The following EPB41L4A variants were observed in gnomAD, a reference collection of about 807,000 sequenced individuals.
The protein encoded by EPB41L4A is band 4.1-like protein 4A.
EPB41L4A carries 100 observed loss-of-function variants against 108.6 expected under a neutral mutation model. The ratio of observed to expected loss-of-function variants is 0.92; its 90% CI spans 0.78 to 1.09. The LOEUF (loss-of-function observed/expected upper bound fraction) is 1.09, where lower values mean the gene tolerates loss of function less well. EPB41L4A is among the 50% of genes least tolerant of loss of function. The pLI, the probability that EPB41L4A is intolerant of heterozygous loss-of-function variation, is 0.00. For synonymous variants in EPB41L4A, 319 were observed against 289.0 expected (o/e 1.10, Z -1.05); for missense variants, 1,030 against 842.7 (o/e 1.22, Z -2.75).
At chr5:112,152,324 A>T (rs1759500997) in intron 12 of EPB41L4A, among the ~76,000 whole-genome samples, 2 of 152,220 alleles carry the variant, frequency 1.3e-5, no homozygotes, top group African/African-American at 4.8e-5. Context: ...AGATTATAAA[A>T]CAGAATCTTT....
At chr5:112,235,866 C>T (rs1749294377) in intron 11 of EPB41L4A, among the ~76,000 whole-genome samples, 1 of 152,068 alleles carries the variant, frequency 6.6e-6, no homozygotes, top group Non-Finnish European at 1.5e-5. Flanking sequence ...CATGGAAATT[C>T]GGGAGGGGAG....
chr5:112,178,318 A>C (rs781167497), intron 18 of EPB41L4A, among the ~76,000 whole-genome samples: 1 of 152,142 alleles, frequency 6.6e-6, no homozygotes, highest in Non-Finnish European at 1.5e-5. Flanking sequence ...GTAAAAACTG[A>C]CAGAATTAAA....
At chr5:112,354,014 T>A (rs550442288) in intron 1 of EPB41L4A, among the ~76,000 whole-genome samples, 1 of 152,148 alleles carries the variant, frequency 6.6e-6, no homozygotes, top group African/African-American at 2.4e-5. Context: ...GAAAACCATA[T>A]ATGTAGTAAA....
chr5:112,182,365 C>G (rs554118309), intron 18 of EPB41L4A, among the ~76,000 whole-genome samples: 1 of 152,216 alleles, frequency 6.6e-6, no homozygotes, highest in East Asian at 1.9e-4. Flanking sequence ...CATAATATAA[C>G]TGAATTATAG....
chr5:112,408,483 A>T (rs1561652349), intron 1 of EPB41L4A, among the ~76,000 whole-genome samples: 1 of 152,074 alleles, frequency 6.6e-6, no homozygotes, highest in Non-Finnish European at 1.5e-5. Flanking sequence ...CAGAATTTTT[A>T]AATTCTTATA....
intron 9 of EPB41L4A, among the ~76,000 whole-genome samples, chr5:112,245,958 G>A (rs942448354): frequency 2.6e-5 from 4 of 152,162 alleles, no homozygotes; most frequent in Non-Finnish European, 5.9e-5. Flanking sequence ...CACATTTCAC[G>A]GTAAGAAATC....
intron 4 of EPB41L4A, among the ~76,000 whole-genome samples, chr5:112,270,167 C>T (rs1752159427): frequency 6.6e-6 from 1 of 152,138 alleles, no homozygotes; most frequent in African/African-American, 2.4e-5. Flanking sequence ...CTGTAAGATT[C>T]CTGGCCAAGA....
At chr5:112,251,185 A>G (rs1750639319) in intron 9 of EPB41L4A, among the ~76,000 whole-genome samples, 1 of 152,186 alleles carries the variant, frequency 6.6e-6, no homozygotes, top group African/African-American at 2.4e-5. Flanking sequence ...AGTTGGAGAC[A>G]CAAAATGGTA....
chr5:112,207,811 C>T (rs958972331), intron 13 of EPB41L4A, among the ~76,000 whole-genome samples: 2 of 152,126 alleles, frequency 1.3e-5, no homozygotes, highest in African/African-American at 4.8e-5. Flanking sequence ...AACACTTTTA[C>T]ACTGTTGGGG....
intron 12 of EPB41L4A, among the ~76,000 whole-genome samples, chr5:112,215,695 G>T (rs1371367504): frequency 6.8e-6 from 1 of 146,574 alleles, no homozygotes; most frequent in African/African-American, 2.5e-5. Flanking sequence ...CCCGGAAGGT[G>T]GAGCTTGCAG....
Position 112,278,987 on chromosome 5 carries a change from C to T in EPB41L4A, c.256+1285G>A, listed in dbSNP as rs1371165191. On this transcript the variant is annotated intron_variant, in intron 3 of 22. Coordinates refer to ENST00000261486, the MANE Select transcript of EPB41L4A (RefSeq NM_022140.5). ...GGCTGAGGCAGAAGAATTGCTTGAA[C>T]GCAGGAGGCAGAGATTGCAGTGAGC... Among the ~76,000 whole-genome samples the T allele has an allele frequency of 4.1e-5, 6 of 147,692 alleles. No homozygotes were observed. In the East Asian group the frequency reaches 8.0e-4, roughly 20 times the overall value.
At chr5:112,403,562 G>C (rs529821384) in intron 1 of EPB41L4A, among the ~76,000 whole-genome samples, 1 of 152,108 alleles carries the variant, frequency 6.6e-6, no homozygotes, top group Admixed American at 6.5e-5. Context: ...TCTAACTCCT[G>C]GATTCAAGTG....
chr5:112,224,344 A>T (rs898996802), intron 12 of EPB41L4A, among the ~76,000 whole-genome samples: 1 of 152,152 alleles, frequency 6.6e-6, no homozygotes, highest in Non-Finnish European at 1.5e-5. Context: ...ATCTGGGAAG[A>T]TCTTTTTCAC....
At chr5:112,330,280 T>C (rs1239691072) in intron 1 of EPB41L4A, among the ~76,000 whole-genome samples, 1 of 152,000 alleles carries the variant, frequency 6.6e-6, no homozygotes, top group Non-Finnish European at 1.5e-5. Context: ...AAGCACCATA[T>C]GGATAGTTAA....
intron 1 of EPB41L4A, among the ~76,000 whole-genome samples, chr5:112,346,215 C>CTTTTTTTTTTTTTTTTTTTTT (rs1479210695): frequency 1.8e-4 from 9 of 49,042 alleles, no homozygotes; most frequent in African/African-American, 3.2e-4. Flanking sequence ...AGGTACATTG[C>CTTTTTTTTTTTTTTTTTTTTT]ATTTTTTTTT....
chr5:112,331,750 G>C (rs972330409), intron 1 of EPB41L4A, among the ~76,000 whole-genome samples: 4 of 152,148 alleles, frequency 2.6e-5, no homozygotes, highest in Non-Finnish European at 4.4e-5. Flanking sequence ...AAGGGCCCTC[G>C]GCCCCCAGAA....
At chr5:112,313,915 G>A (rs533250119) in intron 1 of EPB41L4A, among the ~76,000 whole-genome samples, 4 of 138,412 alleles carry the variant, frequency 2.9e-5, no homozygotes, top group South Asian at 4.7e-4. Context: ...CTAGGCTGGA[G>A]TGCAGTGGCG....
intron 13 of EPB41L4A, among the ~76,000 whole-genome samples, chr5:112,206,352 A>G (rs1762472429): frequency 6.6e-6 from 1 of 151,660 alleles, no homozygotes; most frequent in South Asian, 2.1e-4. Flanking sequence ...GAGAGGAAAG[A>G]TGACGAGGTA....
chr5:112,356,864 C>G (rs1758392809), intron 1 of EPB41L4A, among the ~76,000 whole-genome samples: 1 of 152,200 alleles, frequency 6.6e-6, no homozygotes, highest in Non-Finnish European at 1.5e-5. Context: ...TGAAATATCA[C>G]CTCCAAAGTG....
Sources: gnomAD v4.1 joint callset for allele counts (sites outside exome capture counted in the v4.1 genomes callset) on GRCh38, gnomAD v4.1.1 for gene constraint, MANE v1.5 for transcripts, NCBI Gene and HGNC (gene_info 2026-07-23, HGNC 2026-07-21) for gene names.